Variants in GRIN2A observed in about 807,000 individuals in gnomAD.
GRIN2A encodes glutamate receptor ionotropic, NMDA 2A.
Under a neutral mutation model 113.4 loss-of-function variants are expected in GRIN2A, and 22 were observed. The ratio of observed to expected loss-of-function variants is 0.19; its 90% CI spans 0.14 to 0.28. The LOEUF (loss-of-function observed/expected upper bound fraction) is 0.28. Among genes scored for constraint, GRIN2A ranks in the 10% least tolerant of loss-of-function variants. The pLI, the probability that GRIN2A is intolerant of heterozygous loss-of-function variation, is 1.00. For missense variants in GRIN2A, 1,502 were observed against 1,887.0 expected (o/e 0.80, Z 3.78); for synonymous variants, 827 against 738.4 (o/e 1.12, Z -1.94).
At chr16:9,894,832 T>G (rs2043771413) in intron 3 of GRIN2A, among the ~76,000 whole-genome samples, 1 of 152,176 alleles carries the variant, frequency 6.6e-6, no homozygotes, top group African/African-American at 2.4e-5. Flanking sequence ...CATTCATCCA[T>G]CTATATATCT....
At chr16:9,866,070 C>A (rs2043155645) in intron 4 of GRIN2A, among the ~76,000 whole-genome samples, 1 of 152,192 alleles carries the variant, frequency 6.6e-6, no homozygotes, top group Admixed American at 6.5e-5. Flanking sequence ...TTTACATAAA[C>A]AGTTAGGGGT....
intron 2 of GRIN2A, among the ~76,000 whole-genome samples, chr16:10,054,319 GAT>G (rs2047408781): frequency 6.6e-6 from 1 of 152,168 alleles, no homozygotes; most frequent in Non-Finnish European, 1.5e-5. Context: ...TTCTTAATAA[GAT>G]AAATGCAAAT....
intron 10 of GRIN2A, among the ~76,000 whole-genome samples, chr16:9,819,269 C>G (rs964210116): frequency 6.6e-6 from 1 of 152,038 alleles, no homozygotes; most frequent in African/African-American, 2.4e-5. Flanking sequence ...CCTGTAATCC[C>G]AGCACTTTGA....
intron 2 of GRIN2A, among the ~76,000 whole-genome samples, chr16:10,159,835 C>T (rs773513977): frequency 6.6e-6 from 1 of 152,176 alleles, no homozygotes; most frequent in Non-Finnish European, 1.5e-5. Flanking sequence ...TTTTGCAATA[C>T]AAACTATCGT....
intron 2 of GRIN2A, among the ~76,000 whole-genome samples, chr16:10,080,399 G>A (rs544095116): frequency 3.5e-4 from 53 of 152,298 alleles, no homozygotes; most frequent in South Asian, 2.1e-3. Flanking sequence ...AAGGTGGAAG[G>A]GAGATGGTTA....
chr16:9,907,741 CAG>C (rs1294173316), intron 3 of GRIN2A, among the ~76,000 whole-genome samples: 5 of 152,176 alleles, frequency 3.3e-5, no homozygotes, highest in Admixed American at 1.3e-4. Flanking sequence ...CAAAACTGAG[CAG>C]AGAGTCCACC....
chr16:10,029,737 G>A (rs939624859), intron 2 of GRIN2A, among the ~76,000 whole-genome samples: 6 of 151,600 alleles, frequency 4.0e-5, no homozygotes, highest in African/African-American at 7.3e-5. Context: ...GCTCACGCCT[G>A]TAATCCCAGC....
Position 9,849,829 on chromosome 16 carries a change from C to T in GRIN2A, c.1255G>A (p.Val419Met), listed in dbSNP as rs2042850353. 1.9e-6 allele frequency: 3 copies of T among 1,614,038 alleles called. No individual in the cohort carries two copies. Among genetic ancestry groups the T allele is most frequent in the Non-Finnish European group, 2.5e-6 (3 of 1,179,952 alleles). ...TCGGTCAGGGGGTCTATGTCTTCCA[C>T]GATGACGAATGGGGCCTCCTCCAGG... ...VTLEEAPFVI[V>M]EDIDPLTETC... The change falls in exon 5 of 13, where the codon GTG becomes ATG. Residue 419 changes from valine to methionine, a missense_variant. Physicochemically the swap from Val to Met is conservative, Grantham distance 21. This residue lies in a region of GRIN2A where 334 missense variants were observed against 403.0 expected (regional missense o/e 0.83). Coordinates refer to ENST00000330684, the MANE Select transcript of GRIN2A (RefSeq NM_001134407.3).
intron 2 of GRIN2A, among the ~76,000 whole-genome samples, chr16:10,177,400 C>T (rs1333222136): frequency 6.6e-6 from 1 of 152,182 alleles, no homozygotes; most frequent in Non-Finnish European, 1.5e-5. Flanking sequence ...CTTGCCTCAT[C>T]TCCCTACAGT....
chr16:9,840,609 C>G (rs377001323), intron 7 of GRIN2A, 38 bp downstream of exon 7: 25 of 1,583,008 alleles, frequency 1.6e-5, no homozygotes, highest in Non-Finnish European at 2.1e-5. Flanking sequence ...CCTACAATTC[C>G]TTATAGGAAA....
chr16:9,856,263 C>G (rs1175712521), intron 4 of GRIN2A, among the ~76,000 whole-genome samples: 1 of 152,140 alleles, frequency 6.6e-6, no homozygotes, highest in East Asian at 1.9e-4. Context: ...TAGAGCACAG[C>G]TTAATCACTA....
chr16:10,020,055 C>G (rs1210793152), intron 2 of GRIN2A, among the ~76,000 whole-genome samples: 1 of 152,176 alleles, frequency 6.6e-6, no homozygotes, highest in African/African-American at 2.4e-5. Context: ...ACCTTGAATA[C>G]AAACCACTTT....
chr16:9,918,329 T>G (rs1310346885), intron 3 of GRIN2A, among the ~76,000 whole-genome samples: 1 of 152,212 alleles, frequency 6.6e-6, no homozygotes, highest in Non-Finnish European at 1.5e-5. Context: ...GAACTGTGTA[T>G]GTATCATGTT....
At chr16:9,944,904 G>C (rs1029904573) in intron 2 of GRIN2A, among the ~76,000 whole-genome samples, 1 of 152,170 alleles carries the variant, frequency 6.6e-6, no homozygotes, top group Non-Finnish European at 1.5e-5. Context: ...ACAAACTCCA[G>C]CTCTGTACCA....
chr16:10,117,782 G>A (rs1193589726), intron 2 of GRIN2A, among the ~76,000 whole-genome samples: 1 of 152,224 alleles, frequency 6.6e-6, no homozygotes, highest in African/African-American at 2.4e-5. Flanking sequence ...GGAAATGAGT[G>A]TTAAGATAAA....
At chr16:10,140,709 T>C (rs911019482) in intron 2 of GRIN2A, among the ~76,000 whole-genome samples, 2 of 152,226 alleles carry the variant, frequency 1.3e-5, no homozygotes, top group African/African-American at 2.4e-5. Flanking sequence ...ATGTGATTGG[T>C]TGATTTATGG....
chr16:10,004,350 C>A (rs1371283026), intron 2 of GRIN2A, among the ~76,000 whole-genome samples: 1 of 151,814 alleles, frequency 6.6e-6, no homozygotes, highest in Non-Finnish European at 1.5e-5. Flanking sequence ...GATCACACCA[C>A]TGCACTCCAG....
chr16:9,992,630 G>C (rs980094016), intron 2 of GRIN2A, among the ~76,000 whole-genome samples: 1 of 152,160 alleles, frequency 6.6e-6, no homozygotes, highest in Non-Finnish European at 1.5e-5. Context: ...TTTGCTGATG[G>C]GGCAGGTTAT....
intron 2 of GRIN2A, among the ~76,000 whole-genome samples, chr16:9,966,196 G>T (rs1292183874): frequency 3.3e-5 from 5 of 152,126 alleles, no homozygotes; most frequent in African/African-American, 9.7e-5. Context: ...GGGGTTTGTT[G>T]TACAGGTTAT....
Sources: allele counts gnomAD v4.1 joint callset (sites outside exome capture counted in the v4.1 genomes callset), GRCh38; gene constraint gnomAD v4.1.1; regional missense constraint gnomAD v4.1.1; transcripts MANE v1.5; gene names NCBI Gene and HGNC (gene_info 2026-07-23, HGNC 2026-07-21).